Variants in HYAL4 observed in about 807,000 individuals in gnomAD.
The protein encoded by HYAL4 is hyaluronidase-4.
Under a neutral mutation model 35.2 loss-of-function variants are expected in HYAL4, and 37 were observed. The ratio of observed to expected loss-of-function variants is 1.05; its 90% CI spans 0.81 to 1.38. The LOEUF is 1.38. HYAL4 is among the 40% of genes most tolerant of loss of function. HYAL4 has a pLI of 0.00. For missense variants in HYAL4, 572 were observed against 572.4 expected, an observed-to-expected ratio of 1.00 and a Z score of 0.01; for synonymous variants, 198 against 203.2, an observed-to-expected ratio of 0.97 and a Z score of 0.22.
chr7:123,790,838 C>T, the HYAL4 span: 1 of 151,884 alleles, frequency 6.6e-6, no homozygotes, highest in Non-Finnish European at 1.5e-5. Flanking sequence ...GACCTTGGCT[C>T]ACTGCAACCG....
rs150637662 is a variant in HYAL4 at position 123,868,791 on chromosome 7, A to C, written c.518A>C (p.Asp173Ala). 1.6e-5 allele frequency: 26 copies of C among 1,614,096 alleles called. No homozygotes were observed. The highest frequency in any genetic ancestry group is 2.2e-5 in the Non-Finnish European group (26 of 1,180,042). The stretch of plus-strand genomic sequence containing the variant: ...CAGAAGTCAAGAAAGCTTATTTCCG[A>C]TATGGGAAAGAATGTATCAGCTACC... Reference protein sequence around the residue: ...YRQKSRKLISDMGKNVSATDI... With the variant: ...YRQKSRKLISAMGKNVSATDI... Residue 173 changes from aspartate (D) to alanine (A), a missense_variant, in exon 3 of 5, where the codon GAT (aspartate) becomes GCT (alanine). By Grantham distance (126) the Asp-to-Ala change is moderately radical. Transcript: ENST00000223026.
chr7:123,833,059 T>C (rs1285690823), intron 1 of HYAL4, among the ~76,000 whole-genome samples: 1 of 152,206 alleles, frequency 6.6e-6, no homozygotes, highest in Non-Finnish European at 1.5e-5. Flanking sequence ...CCTCTAAACA[T>C]GCATGTGCAA....
the HYAL4 span, among the ~76,000 whole-genome samples, chr7:123,815,334 A>G: frequency 6.6e-6 from 1 of 152,352 alleles, no homozygotes; most frequent in South Asian, 2.1e-4. Flanking sequence ...AATTTTAACC[A>G]GAGAGAAATT....
chr7:123,785,243 G>A, the HYAL4 span, among the ~76,000 whole-genome samples: 22 of 152,082 alleles, frequency 1.4e-4, no homozygotes, highest in African/African-American at 4.8e-4. The surrounding 1 kb of genome is among the most constrained non-coding windows in gnomAD (Gnocchi z 4.5). Context: ...ACGCCACCAC[G>A]CCTGGTTATT....
In HYAL4 at chr7:123,868,344, T is replaced by G. The variant is rs746899564; in HGVS notation, c.71T>G (p.Leu24Arg). The change falls in exon 3 of 5, where the codon CTT (leucine) becomes CGT (arginine). Residue 24 changes from leucine to arginine, a missense_variant. Coordinates refer to ENST00000223026, the MANE Select transcript of HYAL4 (RefSeq NM_012269.3). ...VQPVHLTSWL[L>R]IFFILKSISC... The stretch of plus-strand genomic sequence containing the variant: ...CCAGTACATCTCACTTCATGGCTCC[T>G]TATATTTTTTATTCTAAAGTCTATC... 15 of 1,600,378 alleles carry G rather than the reference T, an allele frequency of 9.4e-6. No individual in the cohort carries two copies. In the African/African-American group the frequency reaches 1.9e-4, roughly 20 times the overall value.
At chr7:123,775,832 G>A in the HYAL4 span, among the ~76,000 whole-genome samples, 3 of 152,104 alleles carry the variant, frequency 2.0e-5, no homozygotes, top group East Asian at 5.8e-4. Context: ...CACTACCCTA[G>A]GCAACTGGTG....
Position 123,845,243 on chromosome 7 carries a change from C to G in HYAL4, c.-564C>G, listed in dbSNP as rs1806151458. On this transcript the variant is annotated 5_prime_UTR_variant, in exon 1 of 5. Transcript: ENST00000223026. ...TTTTTTTTTGAGATGAAGTCTTACTCTGTTGCCCAGGCTAGAGTGTAGTGG... is the reference window on the plus strand; with the variant it reads ...TTTTTTTTTGAGATGAAGTCTTACTGTGTTGCCCAGGCTAGAGTGTAGTGG... 1 of 101,936 alleles carries G rather than the reference C, an allele frequency of 9.8e-6. No homozygotes were observed. The highest frequency in any genetic ancestry group is 1.4e-4 in the Admixed American group (1 of 7,014). 6.3% of individuals were successfully genotyped at this position (101,936 alleles called of 1,614,324 possible). A position where few individuals can be genotyped will look rare whatever the true frequency, so the allele number is the denominator to read the frequency against.
chr7:123,794,486 C>G, the HYAL4 span, among the ~76,000 whole-genome samples: 1 of 152,152 alleles, frequency 6.6e-6, no homozygotes, highest in South Asian at 2.1e-4. Context: ...TGGGCCAGGC[C>G]CATCCCCTGA....
At chr7:123,857,657 C>G (rs1045396983) in intron 2 of HYAL4, among the ~76,000 whole-genome samples, 4 of 67,024 alleles carry the variant, frequency 6.0e-5, no homozygotes, top group South Asian at 9.8e-4. Context: ...TTCTTTGTTT[C>G]TTTCTTTGTT....
the HYAL4 span, among the ~76,000 whole-genome samples, chr7:123,777,027 C>T: frequency 3.9e-5 from 6 of 152,046 alleles, no homozygotes; most frequent in Admixed American, 3.9e-4. Context: ...CTGGGAAATA[C>T]GTAGGAGAAT....
upstream of HYAL4, among the ~76,000 whole-genome samples, chr7:123,840,472 T>C (rs1806037460): frequency 6.6e-6 from 1 of 151,386 alleles, no homozygotes; most frequent in South Asian, 2.1e-4. Context: ...CAATGTGGGC[T>C]CTTTTTTGGT....
chr7:123,874,680 CA>C (rs1806965249), intron 3 of HYAL4, 80 bp from the exon 4 acceptor site: 1 of 797,418 alleles, frequency 1.3e-6, no homozygotes, highest in African/African-American at 1.7e-5. Flanking sequence ...GCTGGGATTA[CA>C]GGCGTGAGCC....
chr7:123,874,573 T>C (rs1806961478), intron 3 of HYAL4, among the ~76,000 whole-genome samples, 188 bp from the exon 4 acceptor site: 1 of 152,096 alleles, frequency 6.6e-6, no homozygotes, highest in Non-Finnish European at 1.5e-5. Context: ...TGGCTAATTT[T>C]TTTTTGTATT....
chr7:123,872,946 A>G (rs1332790417), intron 3 of HYAL4, among the ~76,000 whole-genome samples: 1 of 152,256 alleles, frequency 6.6e-6, no homozygotes, highest in African/African-American at 2.4e-5. Flanking sequence ...TAATCTATAA[A>G]TATAAAATGT....
At chr7:123,796,761 A>G in the HYAL4 span, among the ~76,000 whole-genome samples, 6 of 152,364 alleles carry the variant, frequency 3.9e-5, no homozygotes, top group South Asian at 8.3e-4. Flanking sequence ...GCCATGAAAA[A>G]GAATGAAGTG....
chr7:123,784,675 G>A, the HYAL4 span, among the ~76,000 whole-genome samples: 1 of 152,190 alleles, frequency 6.6e-6, no homozygotes, highest in Non-Finnish European at 1.5e-5. Flanking sequence ...TTCATTGTGT[G>A]TGTTTTGCTA....
At chr7:123,858,669 T>G (rs1272761950) in intron 2 of HYAL4, among the ~76,000 whole-genome samples, 2 of 152,192 alleles carry the variant, frequency 1.3e-5, no homozygotes, top group Non-Finnish European at 2.9e-5. Flanking sequence ...AAGAACAGAA[T>G]AGACATCAAT....
intron 1 of HYAL4, among the ~76,000 whole-genome samples, chr7:123,838,935 A>AT (rs1428247373): frequency 6.6e-6 from 1 of 151,346 alleles, no homozygotes; most frequent in East Asian, 1.9e-4. Context: ...TTTCCAGAGC[A>AT]TTTTGCATTT....
At chr7:123,847,815 A>T (rs1467295641) in intron 1 of HYAL4, among the ~76,000 whole-genome samples, 1 of 152,178 alleles carries the variant, frequency 6.6e-6, no homozygotes, top group African/African-American at 2.4e-5. Context: ...TAGTACACAA[A>T]GCACTTGACC....
Sources: allele counts gnomAD v4.1 joint callset (sites outside exome capture counted in the v4.1 genomes callset), GRCh38; gene constraint gnomAD v4.1.1; non-coding constraint Gnocchi (gnomAD v3.1); transcripts MANE v1.5; gene names NCBI Gene and HGNC (gene_info 2026-07-23, HGNC 2026-07-21).